Variants in OR3A2 observed in about 807,000 individuals in gnomAD.
OR3A2 encodes olfactory receptor family 3 subfamily A member 2.
For missense variants in OR3A2, 318 were observed against 392.8 expected (o/e 0.81, Z 1.61); for synonymous variants, 126 against 159.3 (o/e 0.79, Z 1.57).
Position 3,311,756 on chromosome 17 carries a change from C to T in OR3A2, c.-85+24277G>A, listed in dbSNP as rs561468003. On this transcript the variant is annotated intron_variant, in intron 3 of 4. Transcript: ENST00000573491. This position sits in a 1 kb window ranked among gnomAD's most constrained non-coding sequence, Gnocchi z 4.6. ...ACTGTGGTCTGAATCTTTTATGGAA[C>T]TGGCTTCTTCAGTTACATGTGTCTG... The T allele has an allele frequency of 1.2e-3, 295 of 246,222 alleles. 3 individuals carry two copies. Among genetic ancestry groups the T allele is most frequent in the Non-Finnish European group, 1.1e-3 (136 of 121,434 alleles). The allele number at this position is 246,222 out of a possible 1,614,324, so 15.3% of individuals were successfully genotyped here.
chr17:3,285,002 G>A (rs1431817957), upstream of OR3A2, among the ~76,000 whole-genome samples: 3 of 152,042 alleles, frequency 2.0e-5, no homozygotes, highest in Non-Finnish European at 2.9e-5. Context: ...TCTCTCCTGG[G>A]GACTTGTTAG....
At chr17:3,279,769 C>T (rs868134592) in intron 1 of OR3A2, among the ~76,000 whole-genome samples, 5 of 152,076 alleles carry the variant, frequency 3.3e-5, no homozygotes, top group African/African-American at 1.2e-4. Context: ...GCCTGGGTGA[C>T]AGAGCGAGGC....
At chr17:3,283,340 C>T (rs1359846504) in intron 1 of OR3A2, among the ~76,000 whole-genome samples, 1 of 152,174 alleles carries the variant, frequency 6.6e-6, no homozygotes, top group Non-Finnish European at 1.5e-5. Context: ...ATTCTCCTGC[C>T]TCAGCCTTCT....
At chr17:3,277,190 T>G (rs1184245333), downstream of OR3A2, 1 of 151,978 alleles carries the variant, frequency 6.6e-6, no homozygotes. Flanking sequence ...CCTCCCAAAG[T>G]GCTGGGATTA....
chr17:3,295,669 A>T (rs2048913335), intron 3 of OR3A2, among the ~76,000 whole-genome samples: 1 of 152,150 alleles, frequency 6.6e-6, no homozygotes, highest in Admixed American at 6.5e-5. Context: ...TAAAAAATAC[A>T]ACTCTAGGCT....
At position 3,292,469 on chromosome 17, in the gene OR3A2, G is replaced by A. The variant is rs776446072; in HGVS notation, c.-84-13316C>T. ...TGAGGTTGCCCCTGACCGTGACCAG[G>A]TAGGCAAAGAGGAAGAGCACAAAGA... On this transcript the variant is annotated intron_variant, in intron 3 of 4. Transcript: ENST00000573491. The A allele has an allele frequency of 3.1e-6, 5 of 1,613,556 alleles. No homozygotes were observed. In the African/African-American group the frequency reaches 5.4e-5, roughly 17 times the overall value.
At chr17:3,323,592 G>A (rs567911367) in intron 3 of OR3A2, among the ~76,000 whole-genome samples, 1 of 151,898 alleles carries the variant, frequency 6.6e-6, no homozygotes, top group Admixed American at 6.6e-5. Context: ...GTCTGTAAAG[G>A]GTTTTATTTC....
chr17:3,361,938 G>A (rs1027496712), intron 2 of OR3A2, among the ~76,000 whole-genome samples: 1 of 151,694 alleles, frequency 6.6e-6, no homozygotes, highest in Admixed American at 6.6e-5. Flanking sequence ...CATAAAATGA[G>A]TTAGGGTGGA....
At chr17:3,361,788 CT>C (rs951831834) in intron 2 of OR3A2, among the ~76,000 whole-genome samples, 1 of 151,550 alleles carries the variant, frequency 6.6e-6, no homozygotes, top group African/African-American at 2.4e-5. Flanking sequence ...GGTGGATACG[CT>C]TTTTGATGTG....
Position 3,379,527 on chromosome 17 carries a change from C to A in OR3A2, c.-179+4277G>T, listed in dbSNP as rs541570983. ...TACTGTCCTGGAGCAAATCTGCTGG[C>A]AATTCCAGCCCTTCCTCTCCTCCCC... On this transcript the variant is annotated intron_variant, in intron 2 of 4. Coordinates refer to the OR3A2 transcript ENST00000573491. 2.0e-5 allele frequency among the ~76,000 whole-genome samples: 3 copies of A among 152,272 alleles called. No individual in the cohort carries two copies. The South Asian group carries it at 6.2e-4, about 32-fold the overall frequency.
At chr17:3,329,024 C>T (rs1358034664) in intron 3 of OR3A2, among the ~76,000 whole-genome samples, 5 of 150,620 alleles carry the variant, frequency 3.3e-5, no homozygotes, top group Non-Finnish European at 3.0e-5. Context: ...TATTGATTTG[C>T]GTATATTGAA....
chr17:3,344,849 A>G (rs1203411929), intron 2 of OR3A2, among the ~76,000 whole-genome samples: 1 of 152,174 alleles, frequency 6.6e-6, no homozygotes, highest in Non-Finnish European at 1.5e-5. Flanking sequence ...TGCTGAGCCA[A>G]CTGGAGGGAA....
At chr17:3,368,994 A>G (rs1274681675) in intron 2 of OR3A2, among the ~76,000 whole-genome samples, 4 of 152,084 alleles carry the variant, frequency 2.6e-5, no homozygotes, top group Non-Finnish European at 4.4e-5. Flanking sequence ...TATTTTTTGT[A>G]GCAGTTGTAA....
intron 3 of OR3A2, chr17:3,292,595 A>G (rs1334982612): frequency 1.9e-6 from 3 of 1,577,194 alleles, no homozygotes; most frequent in Non-Finnish European, 2.6e-6. Flanking sequence ...GTTCCTGCAA[A>G]GAAACATCCA....
chr17:3,337,997 G>C (rs1044570487), intron 2 of OR3A2, among the ~76,000 whole-genome samples: 3 of 152,136 alleles, frequency 2.0e-5, no homozygotes, highest in Non-Finnish European at 4.4e-5. Flanking sequence ...TCTCATTGTG[G>C]TTTTGATTTG....
chr17:3,312,660 G>T (rs1239089309), intron 3 of OR3A2, among the ~76,000 whole-genome samples: 1 of 152,100 alleles, frequency 6.6e-6, no homozygotes, highest in Non-Finnish European at 1.5e-5. Flanking sequence ...AGTTTCGCTC[G>T]GTCGCCCAGG....
intron 2 of OR3A2, among the ~76,000 whole-genome samples, chr17:3,351,391 GACAA>G (rs1451376529): frequency 1.3e-5 from 1 of 74,678 alleles, no homozygotes; most frequent in East Asian, 3.4e-4. Context: ...ACCAACAACA[GACAA>G]ACAGAGAGCC....
chr17:3,357,169 AC>A (rs2049470964), intron 2 of OR3A2, among the ~76,000 whole-genome samples: 2 of 151,854 alleles, frequency 1.3e-5, no homozygotes, highest in South Asian at 4.1e-4. Flanking sequence ...CATAGGTGGT[AC>A]TAATACAGCT....
intron 1 of OR3A2, among the ~76,000 whole-genome samples, chr17:3,384,707 G>A (rs2049764241): frequency 6.6e-6 from 1 of 152,122 alleles, no homozygotes; most frequent in Admixed American, 6.6e-5. Flanking sequence ...TAGTACAGGG[G>A]TCAGCAAATT....
Sources: gnomAD v4.1 joint callset for allele counts (sites outside exome capture counted in the v4.1 genomes callset) on GRCh38, gnomAD v4.1.1 for gene constraint, Gnocchi (gnomAD v3.1) non-coding constraint, MANE v1.5 for transcripts, NCBI Gene and HGNC (gene_info 2026-07-23, HGNC 2026-07-21) for gene names.